Variants in NEDD9 observed in about 807,000 individuals in gnomAD.
NEDD9 encodes the protein neural precursor cell expressed, developmentally down-regulated 9.
A neutral mutation model predicts 76.6 loss-of-function variants in NEDD9; 26 were observed. The ratio of observed to expected loss-of-function variants is 0.34; its 90% confidence interval spans 0.25 to 0.47. NEDD9 has a LOEUF of 0.47. Among genes scored for constraint, NEDD9 ranks in the 20% least tolerant of loss-of-function variants. NEDD9 has a pLI of 1.00. For synonymous variants in NEDD9, 392 were observed against 414.2 expected, an observed-to-expected ratio of 0.95 and a Z score of 0.65; for missense variants, 937 against 1,058.5, an observed-to-expected ratio of 0.89 and a Z score of 1.59.
intron 3 of NEDD9, among the ~76,000 whole-genome samples, chr6:11,287,472 T>C (rs1191761533): frequency 6.6e-6 from 1 of 151,868 alleles, no homozygotes; most frequent in Non-Finnish European, 1.5e-5. Flanking sequence ...TCTGTGGACA[T>C]AGGTTTATAC....
At chr6:11,288,581 C>G (rs925841544) in intron 3 of NEDD9, among the ~76,000 whole-genome samples, 1 of 152,210 alleles carries the variant, frequency 6.6e-6, no homozygotes, top group Non-Finnish European at 1.5e-5. Context: ...TTGGTCAACA[C>G]TGCCAAGACT....
At chr6:11,331,018 C>T (rs1481323434) in intron 2 of NEDD9, among the ~76,000 whole-genome samples, 1 of 152,150 alleles carries the variant, frequency 6.6e-6, no homozygotes, top group Admixed American at 6.5e-5. Flanking sequence ...AGAAAGTCAG[C>T]AACCTCACCT....
chr6:11,262,619 T>C (rs1212615295), intron 3 of NEDD9, among the ~76,000 whole-genome samples: 9 of 152,234 alleles, frequency 5.9e-5, no homozygotes, highest in African/African-American at 2.2e-4. Flanking sequence ...ATTTCCAATT[T>C]GGCTTCCCTA....
At chr6:11,375,992 T>A (rs932121176) in intron 1 of NEDD9, among the ~76,000 whole-genome samples, 1 of 152,114 alleles carries the variant, frequency 6.6e-6, no homozygotes, top group African/African-American at 2.4e-5. Flanking sequence ...ACCCAGCTAA[T>A]TTTTTGTATT....
chr6:11,297,132 G>GTTTTTTTTTTTTTTTTTTTT (rs199939249), intron 3 of NEDD9, among the ~76,000 whole-genome samples: 1 of 129,300 alleles, frequency 7.7e-6, no homozygotes, highest in African/African-American at 2.8e-5. Flanking sequence ...AATTTGTTTT[G>GTTTTTTTTTTTTTTTTTTTT]TTTTTTTTTT....
rs58610423 is a variant in NEDD9 at position 11,287,524 on chromosome 6, C to CCA, written c.12+18466_12+18467dup. 6.6e-3 allele frequency among the ~76,000 whole-genome samples: 977 copies of CCA among 148,620 alleles called. 7 individuals are homozygous for CCA. Among genetic ancestry groups the CCA allele is most frequent in the East Asian group, 0.02 (104 of 5,082 alleles). ...TATGAAGGTACAGTAGTGCACAAAT[C>CCA]CACACACACACACACACACACACAC... On this transcript the variant is annotated intron_variant, in intron 3 of 3. Transcript: ENST00000397378.
intron 1 of NEDD9, among the ~76,000 whole-genome samples, chr6:11,214,691 G>A (rs1758894497): frequency 1.3e-5 from 2 of 152,234 alleles, no homozygotes; most frequent in Non-Finnish European, 2.9e-5. Flanking sequence ...CTTGGCATTA[G>A]TAAAGTTTCC....
chr6:11,307,928 C>T (rs1247305035), intron 2 of NEDD9, among the ~76,000 whole-genome samples: 1 of 152,068 alleles, frequency 6.6e-6, no homozygotes, highest in Non-Finnish European at 1.5e-5. Flanking sequence ...TGAACTTTCT[C>T]AAGGGGAAAG....
At chr6:11,269,984 G>A (rs1000678005) in intron 3 of NEDD9, among the ~76,000 whole-genome samples, 12 of 152,158 alleles carry the variant, frequency 7.9e-5, no homozygotes, top group African/African-American at 2.4e-4. Context: ...AAAATTAGCC[G>A]GGTGTGGTGG....
At chr6:11,342,246 G>GGAGA (rs376497830) in intron 1 of NEDD9, among the ~76,000 whole-genome samples, 1 of 150,628 alleles carries the variant, frequency 6.6e-6, no homozygotes, top group African/African-American at 2.4e-5. Flanking sequence ...CCCAGAAGGA[G>GGAGA]GAGAGAGAGA....
At chr6:11,221,283 T>G (rs1014405737) in intron 1 of NEDD9, among the ~76,000 whole-genome samples, 2 of 151,266 alleles carry the variant, frequency 1.3e-5, no homozygotes, top group African/African-American at 4.9e-5. Flanking sequence ...CTCGGGAGGC[T>G]GAGGCAGGAG....
chr6:11,293,326 C>T (rs1314394058), intron 3 of NEDD9, among the ~76,000 whole-genome samples: 1 of 151,920 alleles, frequency 6.6e-6, no homozygotes, highest in African/African-American at 2.4e-5. Context: ...AGATTTGAAC[C>T]CAGACCTTTC....
At chr6:11,363,146 T>C (rs1762706431) in intron 1 of NEDD9, among the ~76,000 whole-genome samples, 1 of 152,230 alleles carries the variant, frequency 6.6e-6, no homozygotes, top group African/African-American at 2.4e-5. Context: ...TGATTTGGCA[T>C]CTACTACAGT....
chr6:11,184,982 A>G lies in NEDD9; in HGVS notation c.*180T>C. 1 of 779,692 alleles carries G rather than the reference A, an allele frequency of 1.3e-6. No homozygotes were observed. Among genetic ancestry groups the G allele is most frequent in the Non-Finnish European group, 1.9e-6 (1 of 518,672 alleles). 48.3% of individuals were successfully genotyped at this position (779,692 alleles called of 1,614,324 possible). On this transcript the variant is annotated 3_prime_UTR_variant, in exon 7 of 7. Transcript: ENST00000379446. ...ACATAAGAACCACTCAGGGGGAAAAAAAAAGATTTCCCTCTCCAGCTCCCT... is the reference window on the plus strand; with the variant it reads ...ACATAAGAACCACTCAGGGGGAAAAGAAAAGATTTCCCTCTCCAGCTCCCT...
chr6:11,319,738 GCA>G (rs112941814), intron 2 of NEDD9, among the ~76,000 whole-genome samples: 3,259 of 120,528 alleles, frequency 0.027, 95 homozygotes, highest in African/African-American at 0.11. Flanking sequence ...ACACTAACAT[GCA>G]CACACACACT....
At chr6:11,238,197 C>G (rs561648467) in intron 3 of NEDD9, among the ~76,000 whole-genome samples, 4 of 152,222 alleles carry the variant, frequency 2.6e-5, no homozygotes, top group African/African-American at 9.6e-5. Flanking sequence ...ACGTAACAGC[C>G]CTGTGAGGTA....
At chr6:11,218,606 A>T (rs1759045919) in intron 1 of NEDD9, among the ~76,000 whole-genome samples, 1 of 152,182 alleles carries the variant, frequency 6.6e-6, no homozygotes, top group African/African-American at 2.4e-5. Context: ...TCCGAAACAA[A>T]ATATAGACTC....
chr6:11,243,718 T>C (rs1759753977), intron 3 of NEDD9, among the ~76,000 whole-genome samples: 1 of 152,218 alleles, frequency 6.6e-6, no homozygotes, highest in Admixed American at 6.5e-5. Flanking sequence ...TTCTTCAAGG[T>C]TCCATTCTCA....
chr6:11,239,372 C>T (rs1277447648), intron 3 of NEDD9, among the ~76,000 whole-genome samples: 1 of 152,022 alleles, frequency 6.6e-6, no homozygotes, highest in Non-Finnish European at 1.5e-5. Flanking sequence ...TGACTGAACC[C>T]CATCTTTTGT....
Sources: allele counts gnomAD v4.1 joint callset (sites outside exome capture counted in the v4.1 genomes callset), GRCh38; gene constraint gnomAD v4.1.1; transcripts MANE v1.5; gene names NCBI Gene and HGNC (gene_info 2026-07-23, HGNC 2026-07-21).